DACT3: variants seen among roughly 807,000 people sequenced by gnomAD.
DACT3 encodes the protein dishevelled binding antagonist of beta catenin 3.
In DACT3, 5 loss-of-function variants were observed where a neutral mutation model predicts 19.6. The ratio of observed to expected loss-of-function variants is 0.26; its 90% CI spans 0.13 to 0.54. The LOEUF is 0.54. Among genes scored for constraint, DACT3 ranks in the 20% least tolerant of loss-of-function variants. The pLI, the probability that DACT3 is intolerant of heterozygous loss-of-function variation, is 0.95. For synonymous variants in DACT3, 454 were observed against 428.1 expected (o/e 1.06, Z -0.75); for missense variants, 908 against 927.4 (o/e 0.98, Z 0.27).
chr19:46,653,525 T>C (rs1020662833), intron 1 of DACT3, among the ~76,000 whole-genome samples: 4 of 142,258 alleles, frequency 2.8e-5, no homozygotes, highest in African/African-American at 1.1e-4. Flanking sequence ...TTCTCCAAGT[T>C]TTTCTTTTTT....
Position 46,649,742 on chromosome 19 carries a change from G to T in DACT3, c.630C>A (p.Ala210=). Residue 210 remains alanine (A), a synonymous_variant, in exon 4 of 4, where the codon GCC becomes GCA. Coordinates refer to ENST00000391916, the MANE Select transcript of DACT3 (RefSeq NM_145056.3). ...PEACSSAERR[A]RAGPFLTPSP... ...TGGGCGTCAGAAAGGGCCCGGCGCG[G>T]GCCCGCCGCTCCGCCGAGGAGCAGG... is the stretch of plus-strand genomic sequence containing the variant. 3 of 1,271,764 alleles carry T rather than the reference G, an allele frequency of 2.4e-6. No individual in the cohort carries two copies. The highest frequency in any genetic ancestry group is 3.0e-6 in the Non-Finnish European group (3 of 1,009,952). 78.8% of individuals were successfully genotyped at this position (1,271,764 alleles called of 1,614,324 possible). A position where few individuals can be genotyped will look rare whatever the true frequency, so the allele number is the denominator to read the frequency against.
Position 46,656,298 on chromosome 19 carries a change from C to T in DACT3, c.250-3223G>A, listed in dbSNP as rs372917555. On this transcript the variant is annotated intron_variant, in intron 1 of 3. Transcript: ENST00000391916. The stretch of plus-strand genomic sequence containing the variant: ...CTCCTGACTACAAGTCATCCGCCCA[C>T]CTCAGCCTCCCAAAGTGCTGGGATT... Among the ~76,000 whole-genome samples the T allele has an allele frequency of 4.6e-5, 7 of 152,062 alleles. No homozygotes were observed. In the East Asian group the frequency reaches 5.8e-4, roughly 13 times the overall value.
intron 2 of DACT3, 24 bp downstream of exon 2, chr19:46,652,955 C>T: frequency 6.5e-7 from 1 of 1,549,596 alleles, no homozygotes; most frequent in East Asian, 2.4e-5. Flanking sequence ...CCCAGGCAAA[C>T]CCTACCCCTC....
rs1189340251 is a variant in DACT3 at position 46,648,727 on chromosome 19, C to T, written c.1645G>A (p.Glu549Lys). 2.5e-6 allele frequency: 4 copies of T among 1,601,692 alleles called. No individual in the cohort carries two copies. The highest frequency in any genetic ancestry group is 3.4e-5 in the Admixed American group (2 of 58,792). The change falls in exon 4 of 4, where the codon GAA becomes AAA. Residue 549 changes from glutamate (E) to lysine (K), a missense_variant. By Grantham distance (56) the Glu-to-Lys change is moderately conservative. Transcript: ENST00000391916. The surrounding 1 kb of genome is among the most constrained non-coding windows in gnomAD (Gnocchi z 5.1). ...GATTCTCCCTCGCTGGCGCTCGATT[C>T]GCTCTCCCCGTAACCCCCGCCGACG... ...GGVGGGYGES[E>K]SSASEGESPA...
intron 1 of DACT3, among the ~76,000 whole-genome samples, chr19:46,659,795 T>G (rs1599794828): frequency 6.9e-6 from 1 of 144,324 alleles, no homozygotes; most frequent in African/African-American, 2.6e-5. Flanking sequence ...GGAGCCAGGG[T>G]GTGCGGGCTG....
Position 46,648,871 on chromosome 19 carries a change from C to A in DACT3, c.1501G>T (p.Gly501Cys). The A allele has an allele frequency of 2.8e-6, 4 of 1,412,060 alleles. No individual in the cohort carries two copies. The South Asian group carries it at 6.1e-5, about 22-fold the overall frequency. The allele number at this position is 1,412,060 out of a possible 1,614,324, so 87.5% of individuals were successfully genotyped here. The change falls in exon 4 of 4, where the codon GGC becomes TGC. Residue 501 changes from glycine (G) to cysteine (C), a missense_variant. Gly to Cys is a radical substitution (Grantham distance 159). This residue lies in a region of DACT3 where 656 missense variants were observed against 601.8 expected (regional missense o/e 1.09). Transcript: ENST00000391916. This position sits in a 1 kb window ranked among gnomAD's most constrained non-coding sequence, Gnocchi z 5.1. ...RPRAPAARVP[G>C]PGPSPSAPQR... The stretch of plus-strand genomic sequence containing the variant: ...GGAGCTGACGGGGACGGGCCGGGGC[C>A]GGGAACACGCGCCGCAGGGGCTCGG...
At chr19:46,652,572 A>G (rs2052996091) in intron 3 of DACT3, 88 bp downstream of exon 3, 1 of 1,387,618 alleles carries the variant, frequency 7.2e-7, no homozygotes, top group Admixed American at 2.4e-5. Context: ...TGGAATTGGA[A>G]TCCAGGCCCG....
chr19:46,649,702 C>G lies in DACT3; in HGVS notation c.670G>C (p.Val224Leu), dbSNP rs2052962638. Residue 224 changes from valine (V) to leucine (L), a missense_variant, in exon 4 of 4, where the codon GTG (valine) becomes CTG (leucine). Physicochemically the swap from Val to Leu is conservative, Grantham distance 32 (BLOSUM62 1). This residue lies in a region of DACT3 where 252 missense variants were observed against 325.6 expected (regional missense o/e 0.77). Transcript: ENST00000391916. ...CAGGGCCGCGGGCTGCGCATCGCCA[C>G]GGCGTGCAGGGGGCTGGGCGTCAGA... ...PFLTPSPLHAVAMRSPRPCGR... is the reference protein window; with the variant it reads ...PFLTPSPLHALAMRSPRPCGR... The G allele has an allele frequency of 8.3e-7, 1 of 1,201,392 alleles. No homozygotes were observed. The allele number at this position is 1,201,392 out of a possible 1,614,324, so 74.4% of individuals were successfully genotyped here.
Position 46,648,778 on chromosome 19 carries a change from G to A in DACT3, c.1594C>T (p.Leu532=). Residue 532 remains leucine (L), a synonymous_variant, in exon 4 of 4, where the codon CTG becomes TTG. Transcript: ENST00000391916. The surrounding 1 kb of genome is among the most constrained non-coding windows in gnomAD (Gnocchi z 5.1). ...CCTCCCGCAGGCCCCCGGCGTCCCAGGGGCCCCAGGCGCCCAGCCGAGCAC... is the reference window on the plus strand; with the variant it reads ...CCTCCCGCAGGCCCCCGGCGTCCCAAGGGCCCCAGGCGCCCAGCCGAGCAC... The part of the protein sequence containing the change: ...SECSAGRLGP[L]GRRGPAGGVG... 1 of 1,551,016 alleles carries A rather than the reference G, an allele frequency of 6.4e-7. No homozygotes were observed. The highest frequency in any genetic ancestry group is 8.7e-7 in the Non-Finnish European group (1 of 1,155,528).
At position 46,660,548 on chromosome 19, in the gene DACT3, T is replaced by G; in HGVS notation, c.249+268A>C. ...GACACATACTTGGCGCCCACAAGGATTTTCTTTGGGGAAGGGGTGTAAGAG... is the reference window on the plus strand; with the variant it reads ...GACACATACTTGGCGCCCACAAGGAGTTTCTTTGGGGAAGGGGTGTAAGAG... On this transcript the variant is annotated intron_variant, in intron 1 of 3. Coordinates refer to ENST00000391916, the MANE Select transcript of DACT3 (RefSeq NM_145056.3). The surrounding 1 kb of genome is among the most constrained non-coding windows in gnomAD (Gnocchi z 4.9). The G allele has an allele frequency of 2.7e-5, 13 of 475,904 alleles. No homozygotes were observed. Among genetic ancestry groups the G allele is most frequent in the Non-Finnish European group, 3.8e-5 (11 of 288,990 alleles). The allele number at this position is 475,904 out of a possible 1,614,324, so 29.5% of individuals were successfully genotyped here. A position where few individuals can be genotyped will look rare whatever the true frequency, so the allele number is the denominator to read the frequency against.
At position 46,660,620 on chromosome 19, in the gene DACT3, C is replaced by A. The variant is rs920461209; in HGVS notation, c.249+196G>T. On this transcript the variant is annotated intron_variant, in intron 1 of 3. Coordinates refer to ENST00000391916, the MANE Select transcript of DACT3 (RefSeq NM_145056.3). The surrounding 1 kb of genome is among the most constrained non-coding windows in gnomAD (Gnocchi z 4.9). The stretch of plus-strand genomic sequence containing the variant: ...AGGCCCCAGTGGGGGCGATGCAGTT[C>A]CCCCTCCCCCGATTTGGGGGCGGGG... 2.6e-5 allele frequency among the ~76,000 whole-genome samples: 4 copies of A among 152,126 alleles called. No homozygotes were observed. Among genetic ancestry groups the A allele is most frequent in the Non-Finnish European group, 5.9e-5 (4 of 67,982 alleles).
At position 46,648,614 on chromosome 19, in the gene DACT3, A is replaced by C; in HGVS notation, c.1758T>G (p.Ser586=). 1 of 1,613,030 alleles carries C rather than the reference A, an allele frequency of 6.2e-7. No individual in the cohort carries two copies. Among genetic ancestry groups the C allele is most frequent in the Non-Finnish European group, 8.5e-7 (1 of 1,179,626 alleles). ...PQQLVAATAA[S]GGGAGAGAPA... ...GCGCCCCTGCACCTGCTCCACCCCCAGAGGCCGCGGTGGCCGCCACCAGCT... is the reference window on the plus strand; with the variant it reads ...GCGCCCCTGCACCTGCTCCACCCCCCGAGGCCGCGGTGGCCGCCACCAGCT... Residue 586 remains serine, a synonymous_variant, in exon 4 of 4, where the codon TCT becomes TCG. Transcript: ENST00000391916. This position sits in a 1 kb window ranked among gnomAD's most constrained non-coding sequence, Gnocchi z 5.1.
In DACT3 at chr19:46,649,577, C is replaced by T. The variant is rs1213439976; in HGVS notation, c.795G>A (p.Ala265=). The T allele has an allele frequency of 9.2e-7, 1 of 1,085,150 alleles. No individual in the cohort carries two copies. The highest frequency in any genetic ancestry group is 4.8e-5 in the Admixed American group (1 of 20,882). 67.2% of individuals were successfully genotyped at this position (1,085,150 alleles called of 1,614,324 possible). ...CCCCGGGACTGGTCCGGGGCTGGCC[C>T]GCCCCCCGGCGGCGGCGCCTGCGCA... ...ALLRRRRRRG[A]GQPRTSPGGA... The change falls in exon 4 of 4, where the codon GCG becomes GCA. Residue 265 remains alanine (A), a synonymous_variant. Transcript: ENST00000391916.
rs1448174296 is a variant in DACT3 at position 46,649,601 on chromosome 19, C to T, written c.771G>A (p.Leu257=). The change falls in exon 4 of 4, where the codon CTG becomes CTA. Residue 257 remains leucine (L), a synonymous_variant. Transcript: ENST00000391916. ...CCGCCCCCCGGCGGCGGCGCCTGCGCAGGAGCGCCGAGATGTAGCCGTCCA... is the reference window on the plus strand; with the variant it reads ...CCGCCCCCCGGCGGCGGCGCCTGCGTAGGAGCGCCGAGATGTAGCCGTCCA... ...RPLDGYISAL[L]RRRRRRGAGQ... 1 of 1,123,720 alleles carries T rather than the reference C, an allele frequency of 8.9e-7. No individual in the cohort carries two copies. Among genetic ancestry groups the T allele is most frequent in the African/African-American group, 1.7e-5 (1 of 59,644 alleles). The allele number at this position is 1,123,720 out of a possible 1,614,324, so 69.6% of individuals were successfully genotyped here.
At position 46,660,847 on chromosome 19, in the gene DACT3, C is replaced by T; in HGVS notation, c.218G>A (p.Arg73His). The T allele has an allele frequency of 6.6e-7, 1 of 1,519,462 alleles. No individual in the cohort carries two copies. Among genetic ancestry groups the T allele is most frequent in the Non-Finnish European group, 8.8e-7 (1 of 1,139,426 alleles). 94.1% of individuals were successfully genotyped at this position (1,519,462 alleles called of 1,614,324 possible). ...CTCCTCCAGGGCCGCTGCGGCCCGG[C>T]GCGCCGCCGCCGCATCTTCATCCTC... ...ADEDEDAAAA[R>H]RAAAALEEQL... Residue 73 changes from arginine to histidine, a missense_variant, in exon 1 of 4, where the codon CGC (arginine) becomes CAC (histidine). Coordinates refer to ENST00000391916, the MANE Select transcript of DACT3 (RefSeq NM_145056.3). The surrounding 1 kb of genome is among the most constrained non-coding windows in gnomAD (Gnocchi z 4.9).
chr19:46,654,782 T>G, intron 1 of DACT3: 11 of 985,548 alleles, frequency 1.1e-5, no homozygotes, highest in Non-Finnish European at 1.2e-5. Flanking sequence ...ACCCTGCCTA[T>G]TTAGGGCAGA....
chr19:46,659,278 G>A lies in DACT3; in HGVS notation c.249+1538C>T, dbSNP rs2053056048. The A allele has an allele frequency of 5.1e-6, 5 of 984,522 alleles. No individual in the cohort carries two copies. The South Asian group carries it at 1.4e-4, about 28-fold the overall frequency. 61.0% of individuals were successfully genotyped at this position (984,522 alleles called of 1,614,324 possible). Reference sequence around the variant, plus strand: ...GGCCTCTCCACTATCAGCTCGTGCCGGGAGGACAGAGGGCTGAGGGGGAGG... The same window carrying A: ...GGCCTCTCCACTATCAGCTCGTGCCAGGAGGACAGAGGGCTGAGGGGGAGG... On this transcript the variant is annotated intron_variant, in intron 1 of 3. Coordinates refer to ENST00000391916, the MANE Select transcript of DACT3 (RefSeq NM_145056.3).
At chr19:46,654,892 G>A (rs1441985605) in intron 1 of DACT3, 14 of 962,678 alleles carry the variant, frequency 1.5e-5, no homozygotes, top group Non-Finnish European at 1.7e-5. Context: ...GCCCCCATCC[G>A]GGCCTGTTTA....
chr19:46,649,398 G>T lies in DACT3; in HGVS notation c.974C>A (p.Ala325Glu). 1.6e-6 allele frequency: 2 copies of T among 1,286,008 alleles called. No homozygotes were observed. The highest frequency in any genetic ancestry group is 3.3e-5 in the Admixed American group (1 of 30,292). 79.7% of individuals were successfully genotyped at this position (1,286,008 alleles called of 1,614,324 possible). ...TGCCGCCTCCGACTCCCACGACGAC[G>T]CCCAGGCGCGGCTCAAGGCGGCAGG... ...TSPAALSRAW[A>E]SSWESEAAPE... is the part of the protein sequence containing the mutation. Residue 325 changes from alanine (A) to glutamate (E), a missense_variant, in exon 4 of 4, where the codon GCG becomes GAG. Ala to Glu is a moderately radical substitution (Grantham distance 107). Transcript: ENST00000391916.
Sources: allele counts gnomAD v4.1 joint callset (sites outside exome capture counted in the v4.1 genomes callset), GRCh38; gene constraint gnomAD v4.1.1; regional missense constraint gnomAD v4.1.1; non-coding constraint Gnocchi (gnomAD v3.1); transcripts MANE v1.5; gene names NCBI Gene and HGNC (gene_info 2026-07-23, HGNC 2026-07-21).